NTM: variants seen among roughly 807,000 people sequenced by gnomAD.
NTM encodes the protein IgLON family member 2.
NTM carries 13 observed loss-of-function variants against 42.1 expected under a neutral mutation model. The ratio of observed to expected loss-of-function variants is 0.31; its 90% CI spans 0.20 to 0.49. The LOEUF is 0.49. Ranked by LOEUF, NTM falls within the 20% of genes least tolerant of loss-of-function variation. NTM has a pLI of 0.99. For synonymous variants in NTM, 187 were observed against 179.2 expected (o/e 1.04, Z -0.35); for missense variants, 373 against 452.8 (o/e 0.82, Z 1.60).
chr11:131,986,155 A>T (rs1000438177), intron 2 of NTM, among the ~76,000 whole-genome samples: 1 of 152,202 alleles, frequency 6.6e-6, no homozygotes, highest in South Asian at 2.1e-4. Context: ...AAAGAACCCC[A>T]TCTGGCCTAT....
At chr11:132,183,987 G>A (rs776560320) in intron 3 of NTM, among the ~76,000 whole-genome samples, 9 of 151,284 alleles carry the variant, frequency 5.9e-5, no homozygotes, top group Non-Finnish European at 1.2e-4. Flanking sequence ...TCAGAAAAAA[G>A]GACCGACCGT....
rs141817792 is a variant in NTM, at chr11:131,802,591, C to T, written c.83-108973C>T. Among the ~76,000 whole-genome samples the T allele has an allele frequency of 3.6e-3, 544 of 152,224 alleles. 8 individuals are homozygous for T. The highest frequency in any genetic ancestry group is 6.8e-3 in the Middle Eastern group (2 of 294). ...GTAAGTGATGCGTGGGGGTTAGGGC[C>T]GTGAGGGTGTGTGGCCAAGCTCTCT... On this transcript the variant is annotated intron_variant, in intron 1 of 8. Transcript: ENST00000683400.
intron 1 of NTM, among the ~76,000 whole-genome samples, chr11:131,710,733 T>C (rs2135288321): frequency 6.6e-6 from 1 of 152,212 alleles, no homozygotes; most frequent in Non-Finnish European, 1.5e-5. Flanking sequence ...GAGTCTGCGG[T>C]TTGCAAGCCT....
At chr11:131,509,042 A>AAAT (rs150012578) in intron 1 of NTM, among the ~76,000 whole-genome samples, 11,961 of 151,928 alleles carry the variant, frequency 0.079, 523 homozygotes, top group Middle Eastern at 0.14. Context: ...TAATAATAAA[A>AAAT]AATAATAATA....
At chr11:132,123,757 A>C (rs1347576789) in intron 2 of NTM, among the ~76,000 whole-genome samples, 1 of 152,160 alleles carries the variant, frequency 6.6e-6, no homozygotes, top group African/African-American at 2.4e-5. Context: ...GGCAAACAGG[A>C]CCAGCCCAGG....
intron 1 of NTM, among the ~76,000 whole-genome samples, chr11:131,421,030 C>A (rs186525872): frequency 1.1e-3 from 167 of 152,204 alleles, no homozygotes; most frequent in African/African-American, 3.5e-3. Flanking sequence ...GGAGTGTGTA[C>A]CCTTAGACCT....
intron 1 of NTM, among the ~76,000 whole-genome samples, chr11:131,610,150 C>A (rs143300479): frequency 6.6e-6 from 1 of 152,166 alleles, no homozygotes; most frequent in Non-Finnish European, 1.5e-5. Flanking sequence ...CAACAACGAG[C>A]TGGGTAAACT....
At chr11:131,908,080 C>G (rs904281480) in intron 1 of NTM, among the ~76,000 whole-genome samples, 3 of 152,208 alleles carry the variant, frequency 2.0e-5, no homozygotes, top group Admixed American at 6.5e-5. Context: ...TTTCTTTGCC[C>G]TCCCTGTGAG....
intron 2 of NTM, among the ~76,000 whole-genome samples, chr11:131,921,281 T>C (rs1287965001): frequency 6.6e-6 from 1 of 151,578 alleles, no homozygotes; most frequent in African/African-American, 2.4e-5. Context: ...ATATAACTGG[T>C]GTTCTGGTAA....
intron 3 of NTM, among the ~76,000 whole-genome samples, chr11:132,151,155 C>T (rs1307339301): frequency 6.6e-6 from 1 of 152,166 alleles, no homozygotes; most frequent in Non-Finnish European, 1.5e-5. Flanking sequence ...AATCCTGCTA[C>T]CAAACCGAGC....
chr11:131,558,064 G>T (rs2055694410), intron 1 of NTM, among the ~76,000 whole-genome samples: 3 of 152,150 alleles, frequency 2.0e-5, no homozygotes, highest in Admixed American at 6.5e-5. Context: ...TAATGAACTT[G>T]CCGAGCCTTT....
intron 3 of NTM, among the ~76,000 whole-genome samples, chr11:132,178,732 A>G (rs1451216312): frequency 6.6e-6 from 1 of 152,220 alleles, no homozygotes; most frequent in Non-Finnish European, 1.5e-5. Context: ...TTTATCTCCC[A>G]AGAATGCATG....
chr11:131,574,732 C>T (rs2057770504), intron 1 of NTM, among the ~76,000 whole-genome samples: 1 of 152,124 alleles, frequency 6.6e-6, no homozygotes, highest in Non-Finnish European at 1.5e-5. Flanking sequence ...GTGGCCTACA[C>T]CTTGTAAAGG....
At chr11:131,420,404 G>A (rs1947381686) in intron 1 of NTM, among the ~76,000 whole-genome samples, 1 of 152,208 alleles carries the variant, frequency 6.6e-6, no homozygotes, top group South Asian at 2.1e-4. Flanking sequence ...CAGCTCCGCA[G>A]CACCTTGACC....
At position 132,013,433 on chromosome 11, in the gene NTM, C is replaced by T. The variant is rs182536220; in HGVS notation, c.167+101785C>T. On this transcript the variant is annotated intron_variant, in intron 2 of 8. Coordinates refer to ENST00000683400, the MANE Select transcript of NTM (RefSeq NM_001352005.2). ...TGTGAAGGAAGAAGTGAGAAAGTAG[C>T]GATGTCTGTCATAGACCATTCTTTA... 6.0e-4 allele frequency among the ~76,000 whole-genome samples: 92 copies of T among 152,134 alleles called. 1 individual carries two copies. Among genetic ancestry groups the T allele is most frequent in the Non-Finnish European group, 5.9e-5 (4 of 67,986 alleles).
chr11:132,220,084 T>A (rs577961364), intron 4 of NTM, among the ~76,000 whole-genome samples: 1 of 152,164 alleles, frequency 6.6e-6, no homozygotes, highest in African/African-American at 2.4e-5. Flanking sequence ...TAGTCATTGA[T>A]GGTGGGAGAA....
intron 1 of NTM, among the ~76,000 whole-genome samples, chr11:131,371,333 G>A (rs145922377): frequency 1.3e-5 from 2 of 152,308 alleles, no homozygotes; most frequent in Admixed American, 1.3e-4. Flanking sequence ...TTTAAAAGGA[G>A]CAAAGGGGAA....
At chr11:131,940,691 A>G (rs892397742) in intron 2 of NTM, among the ~76,000 whole-genome samples, 1 of 152,168 alleles carries the variant, frequency 6.6e-6, no homozygotes, top group African/African-American at 2.4e-5. Context: ...CTTTTATCTG[A>G]ATCTAGGTTT....
intron 1 of NTM, among the ~76,000 whole-genome samples, chr11:131,386,107 G>A (rs1391836297): frequency 2.0e-5 from 3 of 152,344 alleles, no homozygotes; most frequent in Non-Finnish European, 4.4e-5. Context: ...ACACAATGAG[G>A]TCTATGCATA....
Sources: gnomAD v4.1 joint callset for allele counts (sites outside exome capture counted in the v4.1 genomes callset) on GRCh38, gnomAD v4.1.1 for gene constraint, MANE v1.5 for transcripts, NCBI Gene and HGNC (gene_info 2026-07-23, HGNC 2026-07-21) for gene names.